Variants in DENND1A observed in about 807,000 individuals in gnomAD.
DENND1A encodes DENN domain-containing protein 1A.
In DENND1A, 51 loss-of-function variants were observed where a neutral mutation model predicts 113.7. The ratio of observed to expected loss-of-function variants is 0.45; its 90% CI spans 0.36 to 0.57. DENND1A has a LOEUF of 0.57. Ranked by LOEUF, DENND1A falls within the 20% of genes least tolerant of loss-of-function variation. The pLI is 0.00. For missense variants in DENND1A, 1,258 were observed against 1,395.9 expected (o/e 0.90, Z 1.57); for synonymous variants, 565 against 570.8 (o/e 0.99, Z 0.14).
rs1452377040 is a variant in DENND1A at position 123,381,405 on chromosome 9, G to C, written c.*27C>G. 1.6e-5 allele frequency: 25 copies of C among 1,607,044 alleles called. No individual in the cohort carries two copies. The highest frequency in any genetic ancestry group is 2.1e-5 in the Non-Finnish European group (25 of 1,175,956). On this transcript the variant is annotated 3_prime_UTR_variant, in exon 24 of 24. Transcript: ENST00000394215. The surrounding 1 kb of genome is among the most constrained non-coding windows in gnomAD (Gnocchi z 4.7). ...GCAGTGGACGGACCCTCGGGCCTCG[G>C]TGCATCCCCCACCCTCAGGGCCCGG...
chr9:123,857,236 C>G (rs1055188892), intron 2 of DENND1A, among the ~76,000 whole-genome samples: 4 of 152,096 alleles, frequency 2.6e-5, no homozygotes, highest in African/African-American at 9.7e-5. Flanking sequence ...CAAAGGAGAA[C>G]CCAGAGAATG....
At chr9:123,724,336 T>C (rs925111260) in intron 5 of DENND1A, among the ~76,000 whole-genome samples, 3 of 152,132 alleles carry the variant, frequency 2.0e-5, no homozygotes, top group Admixed American at 6.5e-5. Flanking sequence ...AATTTCCTAA[T>C]GAGACTTCAG....
intron 12 of DENND1A, among the ~76,000 whole-genome samples, chr9:123,570,178 T>C (rs1179349005): frequency 6.6e-6 from 1 of 152,142 alleles, no homozygotes; most frequent in South Asian, 2.1e-4. Context: ...CTCAATACAC[T>C]GAGCATACAC....
intron 17 of DENND1A, among the ~76,000 whole-genome samples, chr9:123,451,226 C>T (rs1429434461): frequency 1.3e-5 from 2 of 152,190 alleles, no homozygotes; most frequent in African/African-American, 4.8e-5. Flanking sequence ...TGGCAGACAC[C>T]CTGGCTTTGA....
chr9:123,767,947 C>T (rs994649056), intron 4 of DENND1A, among the ~76,000 whole-genome samples: 12 of 152,032 alleles, frequency 7.9e-5, no homozygotes, highest in Non-Finnish European at 1.5e-4. Flanking sequence ...TATGTCTTTG[C>T]CATAATTTGT....
Position 123,751,421 on chromosome 9 carries a change from G to A in DENND1A, c.302+6282C>T, listed in dbSNP as rs567342180. On this transcript the variant is annotated intron_variant, in intron 5 of 23. Coordinates refer to ENST00000394215, the MANE Select transcript of DENND1A (RefSeq NM_001352964.2). The stretch of plus-strand genomic sequence containing the variant: ...AAAGAAAACAAAAAAACCCCCTGCA[G>A]TTGAGGTTTGAAAAATCCAGTCTAA... The A allele has an allele frequency of 5.3e-5, 8 of 152,290 alleles. No homozygotes were observed. The East Asian group carries it at 1.2e-3, about 22-fold the overall frequency. The allele number at this position is 152,290 out of a possible 1,614,324, so 9.4% of individuals were successfully genotyped here. A position where few individuals can be genotyped will look rare whatever the true frequency, so the allele number is the denominator to read the frequency against.
chr9:123,602,579 G>C lies in DENND1A; in HGVS notation c.765+6857C>G, dbSNP rs564716660. Among the ~76,000 whole-genome samples, 3 of 152,344 alleles carry C rather than the reference G, an allele frequency of 2.0e-5. No individual in the cohort carries two copies. The South Asian group carries it at 6.2e-4, about 32-fold the overall frequency. ...CACAGTGGTTGGCAAGTACTCAAAA[G>C]ATGTTAAAGTCTCCTCCAACCCTTT... is the stretch of plus-strand genomic sequence containing the variant. On this transcript the variant is annotated intron_variant, in intron 11 of 23. Transcript: ENST00000394215.
chr9:123,381,304 G>T lies in DENND1A; in HGVS notation c.*128C>A. On this transcript the variant is annotated 3_prime_UTR_variant, in exon 24 of 24. Coordinates refer to ENST00000394215, the MANE Select transcript of DENND1A (RefSeq NM_001352964.2). The surrounding 1 kb of genome is among the most constrained non-coding windows in gnomAD (Gnocchi z 4.7). The stretch of plus-strand genomic sequence containing the variant: ...GCAGTGTGGAGGGGAGGAGGGGGCA[G>T]CAGAGAGGGGTCCCATCCCTTCCCA... The T allele has an allele frequency of 1.2e-6, 1 of 855,618 alleles. No individual in the cohort carries two copies. Among genetic ancestry groups the T allele is most frequent in the Non-Finnish European group, 1.8e-6 (1 of 552,726 alleles). 53.0% of individuals were successfully genotyped at this position (855,618 alleles called of 1,614,324 possible).
chr9:123,551,732 G>T (rs2057056125), intron 13 of DENND1A, among the ~76,000 whole-genome samples: 1 of 152,168 alleles, frequency 6.6e-6, no homozygotes, highest in African/African-American at 2.4e-5. Context: ...GAGTCCTTTG[G>T]AATAATTCAC....
At chr9:123,921,711 G>A (rs1402501317) in intron 1 of DENND1A, among the ~76,000 whole-genome samples, 1 of 152,162 alleles carries the variant, frequency 6.6e-6, no homozygotes, top group Non-Finnish European at 1.5e-5. Flanking sequence ...TCTCAATGCA[G>A]ACTAAAATGC....
chr9:123,847,349 C>T (rs1280619359), intron 2 of DENND1A, among the ~76,000 whole-genome samples: 1 of 151,986 alleles, frequency 6.6e-6, no homozygotes, highest in Non-Finnish European at 1.5e-5. Flanking sequence ...TCTAAGTCCT[C>T]AGATTCAAAA....
intron 13 of DENND1A, among the ~76,000 whole-genome samples, chr9:123,496,237 C>A (rs552877724): frequency 3.9e-5 from 6 of 152,262 alleles, no homozygotes; most frequent in Admixed American, 3.9e-4. Context: ...ATCAATTGTT[C>A]AAAGGTGCAA....
At chr9:123,929,359 G>A (rs1015243569) in intron 1 of DENND1A, among the ~76,000 whole-genome samples, 4 of 152,178 alleles carry the variant, frequency 2.6e-5, no homozygotes, top group Non-Finnish European at 5.9e-5. Context: ...AGATAAGAGG[G>A]GGGAAATAGA....
At chr9:123,683,001 C>T (rs1194059175) in intron 5 of DENND1A, among the ~76,000 whole-genome samples, 1 of 150,978 alleles carries the variant, frequency 6.6e-6, no homozygotes, top group Non-Finnish European at 1.5e-5. Context: ...TGACCCTTCT[C>T]CACCCTTCCA....
chr9:123,872,104 G>C (rs1846713215), intron 2 of DENND1A, among the ~76,000 whole-genome samples: 1 of 152,004 alleles, frequency 6.6e-6, no homozygotes, highest in South Asian at 2.1e-4. Context: ...TTGATTTTCT[G>C]GGATCCCTAT....
chr9:123,681,442 T>C (rs753755829), intron 5 of DENND1A, among the ~76,000 whole-genome samples: 7 of 151,966 alleles, frequency 4.6e-5, no homozygotes, highest in Non-Finnish European at 8.8e-5. Flanking sequence ...TAGCACATGC[T>C]ACTGTAAAAA....
At chr9:123,563,328 A>G (rs1261096876) in intron 12 of DENND1A, among the ~76,000 whole-genome samples, 1 of 152,132 alleles carries the variant, frequency 6.6e-6, no homozygotes, top group Non-Finnish European at 1.5e-5. Flanking sequence ...TCAACCTCTC[A>G]GGTCCCCTGG....
chr9:123,417,515 A>G (rs2044836411), intron 19 of DENND1A, among the ~76,000 whole-genome samples: 2 of 152,230 alleles, frequency 1.3e-5, no homozygotes, highest in South Asian at 2.1e-4. Context: ...TCACACAGCT[A>G]GTAGCGAAAA....
At chr9:123,432,375 G>T (rs778825398) in intron 19 of DENND1A, among the ~76,000 whole-genome samples, 2 of 152,210 alleles carry the variant, frequency 1.3e-5, no homozygotes, top group Admixed American at 6.5e-5. Context: ...AGGGAGACCT[G>T]AGAAATGCAC....
Sources: gnomAD v4.1 joint callset for allele counts (sites outside exome capture counted in the v4.1 genomes callset) on GRCh38, gnomAD v4.1.1 for gene constraint, Gnocchi (gnomAD v3.1) non-coding constraint, MANE v1.5 for transcripts, NCBI Gene and HGNC (gene_info 2026-07-23, HGNC 2026-07-21) for gene names.